Variants in ANKRD16 observed in about 807,000 individuals in gnomAD.
ANKRD16 encodes the protein ankyrin repeat domain-containing protein 16.
A neutral mutation model predicts 37.9 loss-of-function variants in ANKRD16; 35 were observed. The ratio of observed to expected loss-of-function variants is 0.92; its 90% confidence interval spans 0.71 to 1.23. The LOEUF is 1.23. ANKRD16 is among the 50% of genes most tolerant of loss of function. ANKRD16 has a pLI of 0.00. For synonymous variants in ANKRD16, 206 were observed against 197.2 expected (o/e 1.04, Z -0.37); for missense variants, 480 against 469.9 (o/e 1.02, Z -0.20).
At position 5,863,306 on chromosome 10, in the gene ANKRD16, A is replaced by G. The variant is rs1841967334; in HGVS notation, c.*34-615T>C. Among the ~76,000 whole-genome samples, 1 of 151,902 alleles carries G rather than the reference A, an allele frequency of 6.6e-6. No homozygotes were observed. The highest frequency in any genetic ancestry group is 1.5e-5 in the Non-Finnish European group (1 of 68,004). On this transcript the variant is annotated intron_variant, in intron 7 of 7. Transcript: ENST00000380094. The surrounding 1 kb of genome is among the most constrained non-coding windows in gnomAD (Gnocchi z 4.7). ...AATGTTACTGTGCTGTACGCTCACA[A>G]AGTTAGAGGGCAGAGCTCATATTAA...
rs2131751236 is a variant in ANKRD16, at chr10:5,864,673, TC to T, written c.*34-1983del. Among the ~76,000 whole-genome samples, 1 of 151,734 alleles carries T rather than the reference TC, an allele frequency of 6.6e-6. No individual in the cohort carries two copies. Among genetic ancestry groups the T allele is most frequent in the Admixed American group, 6.5e-5 (1 of 15,268 alleles). On this transcript the variant is annotated intron_variant, in intron 7 of 7. Transcript: ENST00000380094. The surrounding 1 kb of genome is among the most constrained non-coding windows in gnomAD (Gnocchi z 4.4). ...ATGACAGCCGAAGAAAGGGACAAATTCCCTACTGGTCAGCAAGCCGTCCCCA... is the reference window on the plus strand; with the variant it reads ...ATGACAGCCGAAGAAAGGGACAAATTCCTACTGGTCAGCAAGCCGTCCCCA...
chr10:5,888,411 C>T (rs187809841), intron 1 of ANKRD16, among the ~76,000 whole-genome samples: 1 of 152,308 alleles, frequency 6.6e-6, no homozygotes, highest in Non-Finnish European at 1.5e-5. Flanking sequence ...TATTCCCCTG[C>T]CCCAGTGGGG....
intron 7 of ANKRD16, among the ~76,000 whole-genome samples, chr10:5,872,897 G>C (rs1842124507): frequency 6.6e-6 from 1 of 151,686 alleles, no homozygotes; most frequent in Non-Finnish European, 1.5e-5. Flanking sequence ...GTCTCACTCT[G>C]TCACCCAGGC....
rs772029268 is a variant in ANKRD16 at position 5,889,228 on chromosome 10, A to G, written c.127T>C (p.Cys43Arg). 7.0e-6 allele frequency: 11 copies of G among 1,570,446 alleles called. No individual in the cohort carries two copies. Among genetic ancestry groups the G allele is most frequent in the Admixed American group, 3.6e-5 (2 of 54,910 alleles). Residue 43 changes from cysteine to arginine, a missense_variant, in exon 1 of 8, where the codon TGC becomes CGC. Transcript: ENST00000380094. ...TCCCGATGCCCGTGGCGCGCGGCGCAGTGCAGGAGGGTATCCCCGGCCGGC... is the reference window on the plus strand; with the variant it reads ...TCCCGATGCCCGTGGCGCGCGGCGCGGTGCAGGAGGGTATCCCCGGCCGGC... ...PGPAGDTLLH[C>R]AARHGHRDVL... is the part of the protein sequence containing the mutation.
At chr10:5,883,675 G>C (rs1186881703) in intron 4 of ANKRD16, among the ~76,000 whole-genome samples, 1 of 152,234 alleles carries the variant, frequency 6.6e-6, no homozygotes, top group African/African-American at 2.4e-5. Context: ...TATCAGCAGA[G>C]ACAGTTTGTT....
At chr10:5,881,443 T>TAAATAA (rs1564417914) in intron 5 of ANKRD16, among the ~76,000 whole-genome samples, 1 of 6,492 alleles carries the variant, frequency 1.5e-4, no homozygotes, top group African/African-American at 3.5e-4. Flanking sequence ...ATTATTTATA[T>TAAATAA]ATATATATAT....
chr10:5,883,388 A>G (rs1365916086), intron 4 of ANKRD16, among the ~76,000 whole-genome samples: 1 of 152,202 alleles, frequency 6.6e-6, no homozygotes, highest in African/African-American at 2.4e-5. Context: ...ATCTTGGCTC[A>G]CTACAACCTC....
chr10:5,879,300 C>T (rs1344673565), intron 6 of ANKRD16, among the ~76,000 whole-genome samples: 1 of 152,004 alleles, frequency 6.6e-6, no homozygotes, highest in Non-Finnish European at 1.5e-5. Context: ...ATGGTGAAAC[C>T]CTGTCTCTAC....
chr10:5,889,768 C>G lies in ANKRD16; in HGVS notation c.-414G>C, dbSNP rs929889496. 117 of 157,782 alleles carry G rather than the reference C, an allele frequency of 7.4e-4. No individual in the cohort carries two copies. The highest frequency in any genetic ancestry group is 2.7e-3 in the African/African-American group (113 of 41,804). 9.8% of individuals were successfully genotyped at this position (157,782 alleles called of 1,614,324 possible). A position where few individuals can be genotyped will look rare whatever the true frequency, so the allele number is the denominator to read the frequency against. On this transcript the variant is annotated 5_prime_UTR_variant, in exon 1 of 8. Transcript: ENST00000380094. ...TAAGGGAGTGGGGCGCGCCGCTACA[C>G]CGCAAAGCCCCAAAGTGGAGGGTCC...
At chr10:5,879,688 A>G (rs1326555235) in intron 6 of ANKRD16, among the ~76,000 whole-genome samples, 1 of 106,796 alleles carries the variant, frequency 9.4e-6, no homozygotes, top group East Asian at 2.9e-4. Context: ...AGGTGTCATC[A>G]TGGATTAGAA....
At chr10:5,872,770 A>C (rs916504035) in intron 7 of ANKRD16, among the ~76,000 whole-genome samples, 3 of 151,906 alleles carry the variant, frequency 2.0e-5, no homozygotes, top group South Asian at 2.1e-4. Context: ...GTTAGCCAAG[A>C]TGGTCTTAAT....
intron 7 of ANKRD16, among the ~76,000 whole-genome samples, chr10:5,873,584 C>T (rs1380896686): frequency 6.6e-6 from 1 of 152,132 alleles, no homozygotes; most frequent in Non-Finnish European, 1.5e-5. Flanking sequence ...TTACAATAGG[C>T]CTTACAAACA....
In ANKRD16 at chr10:5,866,926, G is replaced by A. The variant is rs555578384; in HGVS notation, c.*34-4235C>T. Among the ~76,000 whole-genome samples the A allele has an allele frequency of 6.6e-5, 10 of 151,900 alleles. No individual in the cohort carries two copies. The highest frequency in any genetic ancestry group is 1.3e-4 in the Non-Finnish European group (9 of 67,974). On this transcript the variant is annotated intron_variant, in intron 7 of 7. Transcript: ENST00000380094. The surrounding 1 kb of genome is among the most constrained non-coding windows in gnomAD (Gnocchi z 4.3). Reference sequence around the variant, plus strand: ...AGAGTCAGAGAGAGAGAAACAGAAAGTCAAAGAAAGAGAGGGAGAGACAAA... The same window carrying A: ...AGAGTCAGAGAGAGAGAAACAGAAAATCAAAGAAAGAGAGGGAGAGACAAA...
At chr10:5,881,249 G>T (rs1842298539) in intron 5 of ANKRD16, 1 of 194,906 alleles carries the variant, frequency 5.1e-6, no homozygotes, top group Admixed American at 6.6e-5. Flanking sequence ...TTCCATCATT[G>T]TGAGCAGTAC....
intron 5 of ANKRD16, 37 bp from the exon 6 acceptor site, chr10:5,880,413 A>AT (rs1554796592): frequency 7.1e-7 from 1 of 1,414,558 alleles, no homozygotes; most frequent in African/African-American, 1.5e-5. Flanking sequence ...TGTGATGAGG[A>AT]TAAAAGAAAA....
chr10:5,880,314 A>G lies in ANKRD16; in HGVS notation c.912T>C (p.Asp304=). 3 of 1,599,940 alleles carry G rather than the reference A, an allele frequency of 1.9e-6. No homozygotes were observed. Among genetic ancestry groups the G allele is most frequent in the Non-Finnish European group, 2.6e-6 (3 of 1,174,008 alleles). The part of the protein sequence containing the change: ...LSLGADINSK[D]EKNRSALHLA... ...AAACGGTACCTGATCGATTTTTTTCATCTTTAGAATTGATGTCAGCTCCCA... is the reference window on the plus strand; with the variant it reads ...AAACGGTACCTGATCGATTTTTTTCGTCTTTAGAATTGATGTCAGCTCCCA... The change falls in exon 6 of 8, where the codon GAT becomes GAC. Residue 304 remains aspartate, a synonymous_variant. Coordinates refer to ENST00000380094, the MANE Select transcript of ANKRD16 (RefSeq NM_019046.3).
chr10:5,882,034 G>A (rs9424024), intron 5 of ANKRD16, among the ~76,000 whole-genome samples: 52,862 of 151,482 alleles, frequency 0.35, 10,619 homozygotes, highest in East Asian at 0.68. Flanking sequence ...GCCTCCCAAA[G>A]TGCTGGGATT....
At position 5,864,603 on chromosome 10, in the gene ANKRD16, C is replaced by T. The variant is rs139464435; in HGVS notation, c.*34-1912G>A. Among the ~76,000 whole-genome samples the T allele has an allele frequency of 0.013, 2,033 of 152,152 alleles. 56 individuals are homozygous for T. The highest frequency in any genetic ancestry group is 0.046 in the African/African-American group (1,915 of 41,474). On this transcript the variant is annotated intron_variant, in intron 7 of 7. Coordinates refer to ENST00000380094, the MANE Select transcript of ANKRD16 (RefSeq NM_019046.3). This position sits in a 1 kb window ranked among gnomAD's most constrained non-coding sequence, Gnocchi z 4.4. ...AAAGAATGCGGCTTTAGCTGCAGCC[C>T]GAGAGTTTGGAGATACCTGGAATCT... is the stretch of plus-strand genomic sequence containing the variant.
chr10:5,866,976 G>C lies in ANKRD16; in HGVS notation c.*34-4285C>G, dbSNP rs1208752922. On this transcript the variant is annotated intron_variant, in intron 7 of 7. Transcript: ENST00000380094. The surrounding 1 kb of genome is among the most constrained non-coding windows in gnomAD (Gnocchi z 4.3). Reference sequence around the variant, plus strand: ...AGAGGGAGTCAGAAGGAGAGAGAAAGACAAAGAAGAAGTCAAAGAGAAAGA... The same window carrying C: ...AGAGGGAGTCAGAAGGAGAGAGAAACACAAAGAAGAAGTCAAAGAGAAAGA... 6.6e-6 allele frequency among the ~76,000 whole-genome samples: 1 copy of C among 152,096 alleles called. No individual in the cohort carries two copies. The highest frequency in any genetic ancestry group is 1.5e-5 in the Non-Finnish European group (1 of 68,016).
Sources: allele counts gnomAD v4.1 joint callset (sites outside exome capture counted in the v4.1 genomes callset), GRCh38; gene constraint gnomAD v4.1.1; non-coding constraint Gnocchi (gnomAD v3.1); transcripts MANE v1.5; gene names NCBI Gene and HGNC (gene_info 2026-07-23, HGNC 2026-07-21).